Variants in AGPAT5 observed in about 807,000 individuals in gnomAD.
The protein encoded by AGPAT5 is 1-acylglycerol-3-phosphate O-acyltransferase 5, also known as 1-acyl-sn-glycerol-3-phosphate acyltransferase epsilon.
A neutral mutation model predicts 45.6 loss-of-function variants in AGPAT5; 46 were observed. The observed-to-expected ratio is 1.01, with a 90% CI of 0.80 to 1.29. The LOEUF (loss-of-function observed/expected upper bound fraction) is 1.29. Among genes scored for constraint, AGPAT5 ranks in the 50% most tolerant of loss-of-function variants. The pLI is 0.00. For missense variants in AGPAT5, 673 were observed against 450.7 expected, an observed-to-expected ratio of 1.49 and a Z score of -4.47; for synonymous variants, 272 against 167.0, an observed-to-expected ratio of 1.63 and a Z score of -4.85.
chr8:6,737,716 G>C (rs1801101122), intron 4 of AGPAT5, among the ~76,000 whole-genome samples: 1 of 152,200 alleles, frequency 6.6e-6, no homozygotes, highest in Non-Finnish European at 1.5e-5. Context: ...AAGAGTATTG[G>C]TTTTGAAATT....
rs757078913 is a variant in AGPAT5 at position 6,755,118 on chromosome 8, A to G, written c.813A>G (p.Pro271=). 3 of 1,609,100 alleles carry G rather than the reference A, an allele frequency of 1.9e-6. No individual in the cohort carries two copies. The highest frequency in any genetic ancestry group is 1.1e-5 in the South Asian group (1 of 89,268). Residue 271 remains proline, a synonymous_variant, in exon 7 of 8, where the codon CCA becomes CCG. Transcript: ENST00000285518. ...HIDRIDKKDV[P]EEQEHMRRWL... ...ATCGTATCGACAAAAAAGATGTCCC[A>G]GAAGAACAAGAACATATGAGAAGAT... is the stretch of plus-strand genomic sequence containing the variant.
chr8:6,725,011 A>G (rs552794291), intron 2 of AGPAT5, 72 bp downstream of exon 2: 1 of 513,220 alleles, frequency 1.9e-6, no homozygotes, highest in Non-Finnish European at 3.0e-6. Context: ...TACCGTTCTT[A>G]TATTTAAATG....
rs1038615673 is a variant in AGPAT5, at chr8:6,709,127, C to G, written c.219+240C>G. The G allele has an allele frequency of 1.8e-4, 107 of 581,504 alleles. 1 individual carries two copies. The highest frequency in any genetic ancestry group is 1.4e-3 in the South Asian group (74 of 51,060). The allele number at this position is 581,504 out of a possible 1,614,324, so 36.0% of individuals were successfully genotyped here. A position where few individuals can be genotyped will look rare whatever the true frequency, so the allele number is the denominator to read the frequency against. On this transcript the variant is annotated intron_variant, in intron 1 of 7. Coordinates refer to ENST00000285518, the MANE Select transcript of AGPAT5 (RefSeq NM_018361.5). ...ACGAGTGGGACCCGCCGCCCCTTTCCCCGCCCCTCGCCTGGGTCTGATGCT... is the reference window on the plus strand; with the variant it reads ...ACGAGTGGGACCCGCCGCCCCTTTCGCCGCCCCTCGCCTGGGTCTGATGCT...
chr8:6,723,423 GAGATCTTCC>G (rs1425784327), intron 1 of AGPAT5, among the ~76,000 whole-genome samples: 2 of 152,154 alleles, frequency 1.3e-5, no homozygotes, highest in African/African-American at 4.8e-5. Flanking sequence ...CTGGGCTTAA[GAGATCTTCC>G]CTCCCTGCCC....
chr8:6,744,942 C>T (rs1801382259), intron 5 of AGPAT5, among the ~76,000 whole-genome samples: 1 of 152,336 alleles, frequency 6.6e-6, no homozygotes, highest in Non-Finnish European at 1.5e-5. Context: ...CCTTCTGCAG[C>T]CAAGCCAGGC....
Position 6,719,405 on chromosome 8 carries a change from A to G in AGPAT5, c.220-5465A>G, listed in dbSNP as rs536441353. The stretch of plus-strand genomic sequence containing the variant: ...TTGGGAAGTAGTAGGCAGGAATTCA[A>G]TATCTGATGAAAAGATTAGAAACAT... On this transcript the variant is annotated intron_variant, in intron 1 of 7. Transcript: ENST00000285518. 2.8e-3 allele frequency among the ~76,000 whole-genome samples: 430 copies of G among 152,336 alleles called. 3 individuals carry two copies. The highest frequency in any genetic ancestry group is 9.7e-3 in the African/African-American group (405 of 41,578).
Position 6,757,424 on chromosome 8 carries a change from A to G in AGPAT5, c.*36A>G, listed in dbSNP as rs376715740. On this transcript the variant is annotated 3_prime_UTR_variant, in exon 8 of 8. Coordinates refer to ENST00000285518, the MANE Select transcript of AGPAT5 (RefSeq NM_018361.5). ...GTCTCCAGACAGTGGGATGTGCTAC[A>G]TTGTCTATTTTTGGCGGCTGCACAT... 1.5e-5 allele frequency: 24 copies of G among 1,563,492 alleles called. No homozygotes were observed. Among genetic ancestry groups the G allele is most frequent in the Middle Eastern group, 1.7e-4 (1 of 5,962 alleles).
chr8:6,749,516 C>T (rs147794902), intron 6 of AGPAT5, among the ~76,000 whole-genome samples: 86 of 152,306 alleles, frequency 5.6e-4, no homozygotes, highest in African/African-American at 1.9e-3. Context: ...GCTTTCCACC[C>T]TGCTACCTGG....
intron 7 of AGPAT5, among the ~76,000 whole-genome samples, chr8:6,756,603 T>G (rs995305241): frequency 1.2e-5 from 1 of 83,186 alleles, no homozygotes; most frequent in African/African-American, 6.3e-5. Context: ...ACAGAGTGCC[T>G]TTTTTCAAAA....
At chr8:6,715,145 G>A (rs1466060433) in intron 1 of AGPAT5, among the ~76,000 whole-genome samples, 1 of 152,190 alleles carries the variant, frequency 6.6e-6, no homozygotes, top group Non-Finnish European at 1.5e-5. Flanking sequence ...CTGCCATTAT[G>A]GAGGTCACAT....
At position 6,752,613 on chromosome 8, in the gene AGPAT5, T is replaced by C. The variant is rs559177207; in HGVS notation, c.746-2438T>C. On this transcript the variant is annotated intron_variant, in intron 6 of 7. Coordinates refer to ENST00000285518, the MANE Select transcript of AGPAT5 (RefSeq NM_018361.5). ...CAAGTAGACCTGTGACCTGTACGAATAGTTGGAAGACTTTCTCTATTACCC... is the reference window on the plus strand; with the variant it reads ...CAAGTAGACCTGTGACCTGTACGAACAGTTGGAAGACTTTCTCTATTACCC... Among the ~76,000 whole-genome samples, 4 of 152,312 alleles carry C rather than the reference T, an allele frequency of 2.6e-5. No individual in the cohort carries two copies. The South Asian group carries it at 8.3e-4, about 32-fold the overall frequency.
At chr8:6,723,508 A>T (rs930774106) in intron 1 of AGPAT5, among the ~76,000 whole-genome samples, 1 of 142,150 alleles carries the variant, frequency 7.0e-6, no homozygotes, top group Non-Finnish European at 1.5e-5. Context: ...GGCATGGGCC[A>T]CTATGCCTGG....
chr8:6,755,521 G>A (rs1801806248), intron 7 of AGPAT5, among the ~76,000 whole-genome samples: 1 of 152,248 alleles, frequency 6.6e-6, no homozygotes, highest in Non-Finnish European at 1.5e-5. Flanking sequence ...GTGTTACTGT[G>A]TGAGGTCTGG....
chr8:6,709,363 A>G (rs1276080398), intron 1 of AGPAT5: 1 of 170,232 alleles, frequency 5.9e-6, no homozygotes, highest in African/African-American at 2.4e-5. Context: ...GAAGAAATGA[A>G]TACATTTGTT....
intron 5 of AGPAT5, among the ~76,000 whole-genome samples, chr8:6,742,388 A>G (rs1222043957): frequency 6.6e-6 from 1 of 152,222 alleles, no homozygotes; most frequent in East Asian, 1.9e-4. Context: ...AAGCTATGCA[A>G]TTTAACCAAA....
At chr8:6,744,427 G>C (rs1311298601) in intron 5 of AGPAT5, among the ~76,000 whole-genome samples, 1 of 152,230 alleles carries the variant, frequency 6.6e-6, no homozygotes, top group Non-Finnish European at 1.5e-5. Context: ...AAACACCACA[G>C]ATTTCTTCTC....
At chr8:6,745,445 T>G (rs995399838) in intron 5 of AGPAT5, among the ~76,000 whole-genome samples, 1 of 152,220 alleles carries the variant, frequency 6.6e-6, no homozygotes, top group Admixed American at 6.5e-5. Flanking sequence ...CACTTCTCAC[T>G]TAACCACTGA....
intron 3 of AGPAT5, 34 bp downstream of exon 3, chr8:6,730,860 G>A: frequency 7.4e-7 from 1 of 1,353,930 alleles, no homozygotes; most frequent in Non-Finnish European, 1.0e-6. Flanking sequence ...CTCTATATAT[G>A]TAGTTTATAA....
rs1231630840 is a variant in AGPAT5 at position 6,757,649 on chromosome 8, C to G, written c.*261C>G. ...TCCTGCTCTGTCCATTTCCTATGAA[C>G]TAATGACAACTTGAGAAGGCTGGGA... is the stretch of plus-strand genomic sequence containing the variant. On this transcript the variant is annotated 3_prime_UTR_variant, in exon 8 of 8. Coordinates refer to ENST00000285518, the MANE Select transcript of AGPAT5 (RefSeq NM_018361.5). 4.5e-5 allele frequency: 15 copies of G among 331,396 alleles called. No individual in the cohort carries two copies. The highest frequency in any genetic ancestry group is 8.1e-4 in the Middle Eastern group (1 of 1,234). The allele number at this position is 331,396 out of a possible 1,614,324, so 20.5% of individuals were successfully genotyped here.
Sources: allele counts gnomAD v4.1 joint callset (sites outside exome capture counted in the v4.1 genomes callset), GRCh38; gene constraint gnomAD v4.1.1; transcripts MANE v1.5; gene names NCBI Gene and HGNC (gene_info 2026-07-23, HGNC 2026-07-21).